Variants in TNR observed in about 807,000 individuals in gnomAD.
TNR encodes the protein tenascin R, also known as tenascin-R.
TNR carries 45 observed loss-of-function variants against 150.4 expected under a neutral mutation model. The observed-to-expected ratio is 0.30, with a 90% CI of 0.24 to 0.38. The LOEUF (loss-of-function observed/expected upper bound fraction) is 0.38. Ranked by LOEUF, TNR falls within the 10% of genes least tolerant of loss-of-function variation. The pLI is 1.00. For missense variants in TNR, 1,544 were observed against 1,759.1 expected, an observed-to-expected ratio of 0.88 and a Z score of 2.19; for synonymous variants, 687 against 678.4, an observed-to-expected ratio of 1.01 and a Z score of -0.20.
At chr1:175,574,088 A>T (rs1440867470) in intron 1 of TNR, among the ~76,000 whole-genome samples, 2 of 151,974 alleles carry the variant, frequency 1.3e-5, no homozygotes, top group African/African-American at 2.4e-5. Context: ...GGGCGTGGAG[A>T]GAAGACCTGG....
At chr1:175,461,868 G>A (rs1007481940) in intron 2 of TNR, among the ~76,000 whole-genome samples, 2 of 152,178 alleles carry the variant, frequency 1.3e-5, no homozygotes, top group African/African-American at 4.8e-5. Flanking sequence ...TTGCAGGGAG[G>A]TGTTCTAGGC....
chr1:175,500,144 C>T (rs1445552130), intron 2 of TNR, among the ~76,000 whole-genome samples: 1 of 152,110 alleles, frequency 6.6e-6, no homozygotes, highest in Non-Finnish European at 1.5e-5. Context: ...CAAAGGCTGA[C>T]TTTTCACCAC....
Position 175,580,953 on chromosome 1 carries a change from C to T in TNR, c.-164-52584G>A, listed in dbSNP as rs562659125. 1.6e-3 allele frequency among the ~76,000 whole-genome samples: 240 copies of T among 152,262 alleles called. 1 individual carries two copies. Among genetic ancestry groups the T allele is most frequent in the African/African-American group, 5.7e-3 (237 of 41,542 alleles). On this transcript the variant is annotated intron_variant, in intron 1 of 22. Coordinates refer to ENST00000367674, the MANE Select transcript of TNR (RefSeq NM_003285.3). ...AGGGGGTGGGGGATGGGGGTCTCTGCTTTGAAAACAAAAACTGTGTGAAAA... is the reference window on the plus strand; with the variant it reads ...AGGGGGTGGGGGATGGGGGTCTCTGTTTTGAAAACAAAAACTGTGTGAAAA...
chr1:175,371,928 C>T (rs556783931), intron 9 of TNR, among the ~76,000 whole-genome samples: 1 of 152,216 alleles, frequency 6.6e-6, no homozygotes, highest in Non-Finnish European at 1.5e-5. Flanking sequence ...GGATGCTTGT[C>T]CCCTCCAAAT....
intron 1 of TNR, among the ~76,000 whole-genome samples, chr1:175,560,295 C>T (rs181482930): frequency 6.6e-6 from 1 of 152,324 alleles, no homozygotes; most frequent in Admixed American, 6.5e-5. Context: ...ATGCTTTCTG[C>T]ATCTTCATCT....
At chr1:175,363,664 C>T in intron 13 of TNR, 44 bp downstream of exon 13, 2 of 1,596,384 alleles carry the variant, frequency 1.3e-6, no homozygotes, top group Non-Finnish European at 8.5e-7. Flanking sequence ...CCATAATCTT[C>T]ACCCAAATCC....
At chr1:175,649,562 C>T (rs938625636) in intron 1 of TNR, among the ~76,000 whole-genome samples, 2 of 152,122 alleles carry the variant, frequency 1.3e-5, no homozygotes, top group Non-Finnish European at 2.9e-5. Flanking sequence ...GCACAGAGCC[C>T]GGCACACAGA....
chr1:175,629,335 C>G (rs1224859293), intron 1 of TNR, among the ~76,000 whole-genome samples: 1 of 152,190 alleles, frequency 6.6e-6, no homozygotes, highest in African/African-American at 2.4e-5. Flanking sequence ...ATGCCAGGAT[C>G]ATAGCCTCAT....
At chr1:175,627,966 A>G (rs913715268) in intron 1 of TNR, among the ~76,000 whole-genome samples, 5 of 152,322 alleles carry the variant, frequency 3.3e-5, no homozygotes, top group Admixed American at 1.3e-4. Flanking sequence ...AGTCAGAATG[A>G]GCCAGGACCA....
chr1:175,410,084 C>T (rs910345758), intron 2 of TNR, among the ~76,000 whole-genome samples: 1 of 152,168 alleles, frequency 6.6e-6, no homozygotes, highest in Non-Finnish European at 1.5e-5. Context: ...GATAAGCTGA[C>T]AGCTGAGAGG....
chr1:175,420,903 A>G (rs957653096), intron 2 of TNR, among the ~76,000 whole-genome samples: 9 of 152,210 alleles, frequency 5.9e-5, no homozygotes, highest in African/African-American at 2.2e-4. Flanking sequence ...TCATAGGGAG[A>G]TTGGAAAAAT....
chr1:175,529,102 C>A (rs1005152227), intron 1 of TNR, among the ~76,000 whole-genome samples: 7 of 152,196 alleles, frequency 4.6e-5, no homozygotes, highest in African/African-American at 1.2e-4. Context: ...GATCTTCAGC[C>A]AGGCCTCCGC....
At position 175,335,694 on chromosome 1, in the gene TNR, C is replaced by T; in HGVS notation, c.3631+17G>A. The T allele has an allele frequency of 6.2e-7, 1 of 1,608,936 alleles. No homozygotes were observed. ...GCCAGAGAAGCACATCAATGGAAAG[C>T]AATAAGGAGGCTTTACCCAGCCAGA... On this transcript the variant is annotated intron_variant, in intron 20 of 22. Coordinates refer to ENST00000367674, the MANE Select transcript of TNR (RefSeq NM_003285.3).
intron 7 of TNR, among the ~76,000 whole-genome samples, chr1:175,386,715 C>A (rs570410514): frequency 5.3e-5 from 8 of 152,250 alleles, no homozygotes; most frequent in Admixed American, 2.0e-4. Flanking sequence ...TAGGAAATGA[C>A]CAGCCCACCT....
chr1:175,348,940 G>A (rs1650926753), intron 18 of TNR, among the ~76,000 whole-genome samples: 1 of 152,152 alleles, frequency 6.6e-6, no homozygotes, highest in South Asian at 2.1e-4. Context: ...ATATGAGCAG[G>A]AAATTTAGAG....
intron 1 of TNR, among the ~76,000 whole-genome samples, chr1:175,541,210 C>T (rs1218875975): frequency 6.6e-6 from 1 of 152,198 alleles, no homozygotes; most frequent in Non-Finnish European, 1.5e-5. Context: ...ATAACATTTT[C>T]CAAGTTGTGT....
intron 1 of TNR, among the ~76,000 whole-genome samples, chr1:175,651,346 A>C (rs541005919): frequency 2.3e-4 from 35 of 152,134 alleles, no homozygotes; most frequent in African/African-American, 8.4e-4. Flanking sequence ...TTGAGGGGAA[A>C]GGTTACCTTG....
intron 1 of TNR, among the ~76,000 whole-genome samples, chr1:175,618,594 G>A (rs1663855110): frequency 6.6e-6 from 1 of 152,168 alleles, no homozygotes. Flanking sequence ...TGCCCACCCT[G>A]CTGGTAGACA....
At chr1:175,343,990 A>T (rs146930671) in intron 18 of TNR, among the ~76,000 whole-genome samples, 1,745 of 152,336 alleles carry the variant, frequency 0.011, 14 homozygotes, top group South Asian at 0.03. Context: ...TAACACAGGA[A>T]TGAAACGCAG....
Sources: allele counts gnomAD v4.1 joint callset (sites outside exome capture counted in the v4.1 genomes callset), GRCh38; gene constraint gnomAD v4.1.1; transcripts MANE v1.5; gene names NCBI Gene and HGNC (gene_info 2026-07-23, HGNC 2026-07-21).